Variants in CRIM1 observed in about 807,000 individuals in gnomAD.
CRIM1 encodes cysteine rich transmembrane BMP regulator 1.
CRIM1 carries 32 observed loss-of-function variants against 116.4 expected under a neutral mutation model. That is an observed-to-expected ratio of 0.27 (90% CI 0.21 to 0.37). The LOEUF is 0.37. CRIM1 is among the 10% of genes least tolerant of loss of function. The pLI is 1.00. For synonymous variants in CRIM1, 590 were observed against 509.2 expected (o/e 1.16, Z -2.13); for missense variants, 1,331 against 1,354.8 (o/e 0.98, Z 0.28).
rs1318480737 is a variant in CRIM1 at position 36,547,101 on chromosome 2, T to C, written c.2864T>C (p.Ile955Thr). The C allele has an allele frequency of 3.1e-6, 5 of 1,612,914 alleles. No individual in the cohort carries two copies. The highest frequency in any genetic ancestry group is 1.3e-5 in the African/African-American group (1 of 74,968). The change falls in exon 16 of 17, where the codon ATA (isoleucine) becomes ACA (threonine). Residue 955 changes from isoleucine (I) to threonine (T), a missense_variant. By Grantham distance (89) the Ile-to-Thr change is moderately conservative. This residue lies in a region of CRIM1 where 283 missense variants were observed against 242.8 expected (regional missense o/e 1.17). Transcript: ENST00000280527. ...VPIIICLSIIIAFLFINQKKQ... is the reference protein window; with the variant it reads ...VPIIICLSIITAFLFINQKKQ... The stretch of plus-strand genomic sequence containing the variant: ...ATAATTATATGCCTCTCTATTATAA[T>C]AGCATTCCTATTCATCAATCAGAAG...
intron 8 of CRIM1, among the ~76,000 whole-genome samples, chr2:36,507,071 G>C (rs1249750025): frequency 1.3e-5 from 2 of 152,044 alleles, no homozygotes; most frequent in Non-Finnish European, 2.9e-5. Flanking sequence ...TGTTGCACAG[G>C]CTGGTCTCAA....
chr2:36,551,061 T>C lies in CRIM1; in HGVS notation c.*2360T>C, dbSNP rs1667741683. 6.6e-6 allele frequency: 1 copy of C among 152,652 alleles called. No individual in the cohort carries two copies. The highest frequency in any genetic ancestry group is 1.5e-5 in the Non-Finnish European group (1 of 68,044). 9.5% of individuals were successfully genotyped at this position (152,652 alleles called of 1,614,324 possible). A position where few individuals can be genotyped will look rare whatever the true frequency, so the allele number is the denominator to read the frequency against. ...CATAGTTCTACAGTTTGTTTTTGTT[T>C]TCTTCAAAAAAGCTGTAAGAGAATT... On this transcript the variant is annotated 3_prime_UTR_variant, in exon 17 of 17. Transcript: ENST00000280527.
At chr2:36,434,388 A>G (rs1415360367) in intron 2 of CRIM1, among the ~76,000 whole-genome samples, 2 of 152,254 alleles carry the variant, frequency 1.3e-5, no homozygotes, top group Admixed American at 1.3e-4. Context: ...ATATACAGAT[A>G]CCAGCAACGC....
At chr2:36,375,588 T>C (rs3770950) in intron 1 of CRIM1, among the ~76,000 whole-genome samples, 2,180 of 152,338 alleles carry the variant, frequency 0.014, 57 homozygotes, top group South Asian at 0.073. Flanking sequence ...TTCTGAATTA[T>C]AAATCTTTGA....
chr2:36,422,005 GCTTAAACTAT>G (rs1283145507), intron 2 of CRIM1, among the ~76,000 whole-genome samples: 1 of 151,732 alleles, frequency 6.6e-6, no homozygotes, highest in South Asian at 2.1e-4. Context: ...TAAAACATAA[GCTTAAACTAT>G]TAGGCACTGA....
rs1270779862 is a variant in CRIM1 at position 36,548,685 on chromosome 2, T to C, written c.3095T>C (p.Phe1032Ser). 1 of 1,592,506 alleles carries C rather than the reference T, an allele frequency of 6.3e-7. No homozygotes were observed. The highest frequency in any genetic ancestry group is 1.4e-5 in the African/African-American group (1 of 73,670). ...CAGAACCATCTACAGGCAGACAATT[T>C]CTACCAAACAGTGTGAAGAAAGGCA... is the stretch of plus-strand genomic sequence containing the variant. ...QKQNHLQADN[F>S]YQTV is the part of the protein sequence containing the mutation. Residue 1032 changes from phenylalanine (F) to serine (S), a missense_variant, in exon 17 of 17, where the codon TTC (phenylalanine) becomes TCC (serine). Physicochemically the swap from Phe to Ser is radical, Grantham distance 155. This residue lies in a region of CRIM1 where 283 missense variants were observed against 242.8 expected (regional missense o/e 1.17). Transcript: ENST00000280527.
At chr2:36,362,957 TG>T (rs1488165986) in intron 1 of CRIM1, among the ~76,000 whole-genome samples, 2 of 151,910 alleles carry the variant, frequency 1.3e-5, no homozygotes, top group Non-Finnish European at 2.9e-5. Flanking sequence ...CAGCACTTTG[TG>T]GGGCTGAGGC....
chr2:36,371,983 A>AC (rs1454900336), intron 1 of CRIM1, among the ~76,000 whole-genome samples: 1 of 152,258 alleles, frequency 6.6e-6, no homozygotes, highest in East Asian at 1.9e-4. Flanking sequence ...TTGTGTCTTA[A>AC]CAAACATTTA....
intron 2 of CRIM1, among the ~76,000 whole-genome samples, chr2:36,436,625 C>T (rs371177282): frequency 7.2e-5 from 11 of 152,128 alleles, no homozygotes; most frequent in African/African-American, 2.2e-4. Flanking sequence ...TAATAGATAA[C>T]GCAAGATTAT....
intron 6 of CRIM1, among the ~76,000 whole-genome samples, chr2:36,477,395 C>G (rs1223923252): frequency 1.3e-5 from 2 of 152,220 alleles, no homozygotes; most frequent in East Asian, 3.9e-4. Context: ...AAAGCTTTAT[C>G]TTCACCCTGG....
At chr2:36,449,537 A>T (rs1209252495) in intron 4 of CRIM1, among the ~76,000 whole-genome samples, 1 of 152,242 alleles carries the variant, frequency 6.6e-6, no homozygotes, top group African/African-American at 2.4e-5. Flanking sequence ...GTCCAGAGCT[A>T]GAATCCAGGC....
At chr2:36,529,851 A>G (rs1331884329) in intron 13 of CRIM1, among the ~76,000 whole-genome samples, 2 of 152,168 alleles carry the variant, frequency 1.3e-5, no homozygotes, top group Non-Finnish European at 2.9e-5. Flanking sequence ...AATTACTTGC[A>G]CTTCCTACCC....
intron 8 of CRIM1, among the ~76,000 whole-genome samples, chr2:36,502,693 A>C (rs1294676258): frequency 6.6e-6 from 1 of 152,220 alleles, no homozygotes; most frequent in African/African-American, 2.4e-5. Flanking sequence ...GCTATAACGT[A>C]CAAATGTAAA....
intron 14 of CRIM1, 103 bp downstream of exon 14, chr2:36,537,649 C>T (rs1278521909): frequency 7.0e-6 from 9 of 1,285,410 alleles, no homozygotes; most frequent in Non-Finnish European, 9.4e-6. Flanking sequence ...TTCACACGGC[C>T]CAAGTAGCGT....
intron 1 of CRIM1, among the ~76,000 whole-genome samples, chr2:36,386,057 A>G (rs1417736596): frequency 6.6e-6 from 1 of 151,824 alleles, no homozygotes; most frequent in Non-Finnish European, 1.5e-5. Context: ...ATTTCTTTTC[A>G]CTCTAGTGGT....
intron 4 of CRIM1, among the ~76,000 whole-genome samples, chr2:36,448,624 A>G (rs561171626): frequency 1.1e-4 from 9 of 80,480 alleles, no homozygotes; most frequent in Admixed American, 2.5e-4. Context: ...ACGCCTTTTG[A>G]TAAGTAACTT....
At chr2:36,460,997 C>T (rs759517708) in intron 4 of CRIM1, among the ~76,000 whole-genome samples, 1 of 152,072 alleles carries the variant, frequency 6.6e-6, no homozygotes, top group African/African-American at 2.4e-5. Flanking sequence ...AAGAGCATGA[C>T]CGTAGCAATG....
chr2:36,443,699 G>A (rs1034346743), intron 4 of CRIM1, among the ~76,000 whole-genome samples: 2 of 152,154 alleles, frequency 1.3e-5, no homozygotes, highest in Non-Finnish European at 2.9e-5. Context: ...GATAAGATAG[G>A]AGTAGATGTG....
chr2:36,494,644 A>G (rs1680455928), intron 7 of CRIM1, among the ~76,000 whole-genome samples: 1 of 152,162 alleles, frequency 6.6e-6, no homozygotes, highest in African/African-American at 2.4e-5. Context: ...AGGAGAGGAA[A>G]GTTTCCCACT....
Sources: gnomAD v4.1 joint callset for allele counts (sites outside exome capture counted in the v4.1 genomes callset) on GRCh38, gnomAD v4.1.1 for gene constraint, gnomAD v4.1.1 regional missense constraint, MANE v1.5 for transcripts, NCBI Gene and HGNC (gene_info 2026-07-23, HGNC 2026-07-21) for gene names.